Variants in ARHGEF37 observed in about 807,000 individuals in gnomAD.
The protein encoded by ARHGEF37 is Rho guanine nucleotide exchange factor 37.
ARHGEF37 carries 55 observed loss-of-function variants against 71.1 expected under a neutral mutation model. That is an observed-to-expected ratio of 0.77 (90% CI 0.62 to 0.97). The LOEUF (loss-of-function observed/expected upper bound fraction) is 0.97. ARHGEF37 is among the 50% of genes least tolerant of loss of function. The pLI is 0.00. For synonymous variants in ARHGEF37, 327 were observed against 350.6 expected (o/e 0.93, Z 0.75); for missense variants, 765 against 836.8 (o/e 0.91, Z 1.06).
chr5:149,567,391 C>T (rs1342160383), intron 1 of ARHGEF37, among the ~76,000 whole-genome samples: 15 of 152,096 alleles, frequency 9.9e-5, no homozygotes. Flanking sequence ...AAAGTTATTC[C>T]ACTTCAAAGT....
intron 1 of ARHGEF37, among the ~76,000 whole-genome samples, chr5:149,592,206 G>A (rs1763426455): frequency 6.6e-6 from 1 of 152,110 alleles, no homozygotes; most frequent in South Asian, 2.1e-4. Context: ...GTAGATTTGT[G>A]TAGTCACCAC....
rs145030032 is a variant in ARHGEF37, at chr5:149,632,372, G to C, written c.*181G>C. ...GGCCTCGCAGAGTGCTTGGTGTGGT[G>C]GGGGCACAGGAGGCTCCAGCCAGGA... On this transcript the variant is annotated 3_prime_UTR_variant, in exon 13 of 13. Coordinates refer to ENST00000333677, the MANE Select transcript of ARHGEF37 (RefSeq NM_001001669.3). 947 of 655,344 alleles carry C rather than the reference G, an allele frequency of 1.4e-3. 4 individuals carry two copies. The highest frequency in any genetic ancestry group is 2.1e-3 in the Non-Finnish European group (805 of 387,620). 40.6% of individuals were successfully genotyped at this position (655,344 alleles called of 1,614,324 possible).
At position 149,627,701 on chromosome 5, in the gene ARHGEF37, T is replaced by C. The variant is rs115881571; in HGVS notation, c.1660+430T>C. 6.8e-3 allele frequency among the ~76,000 whole-genome samples: 1,035 copies of C among 152,256 alleles called. 3 individuals carry two copies. Among genetic ancestry groups the C allele is most frequent in the Non-Finnish European group, 0.011 (724 of 68,018 alleles). On this transcript the variant is annotated intron_variant, in intron 11 of 12. Transcript: ENST00000333677. Reference sequence around the variant, plus strand: ...ATGTGCAGAATGAGGGGAGCGATCATCCTGCCCACTCCATACTGGTCATGG... The same window carrying C: ...ATGTGCAGAATGAGGGGAGCGATCACCCTGCCCACTCCATACTGGTCATGG...
At chr5:149,583,343 C>T (rs149718412) in intron 1 of ARHGEF37, among the ~76,000 whole-genome samples, 2 of 152,268 alleles carry the variant, frequency 1.3e-5, no homozygotes, top group South Asian at 2.1e-4. Context: ...CACCGTGTTG[C>T]CCAGGCTGAT....
intron 12 of ARHGEF37, among the ~76,000 whole-genome samples, chr5:149,630,781 G>A (rs1190883759): frequency 1.3e-5 from 2 of 152,216 alleles, no homozygotes; most frequent in Non-Finnish European, 2.9e-5. Flanking sequence ...AAGCATATCA[G>A]CTGCTTCCTC....
At chr5:149,576,378 T>C (rs1299498063) in intron 1 of ARHGEF37, among the ~76,000 whole-genome samples, 2 of 152,262 alleles carry the variant, frequency 1.3e-5, no homozygotes, top group African/African-American at 2.4e-5. Context: ...TAGTGAGGCC[T>C]GTGTGAGCTT....
Position 149,557,859 on chromosome 5 carries a change from C to A in ARHGEF37, c.-12+5736C>A, listed in dbSNP as rs1021311290. On this transcript the variant is annotated intron_variant, in intron 1 of 2. Coordinates refer to the ARHGEF37 transcript ENST00000505810. Reference sequence around the variant, plus strand: ...AGATTGGTAAGTTCTATATGTTTACCCAATAATTTTTTTTTTTTTTTTTTG... The same window carrying A: ...AGATTGGTAAGTTCTATATGTTTACACAATAATTTTTTTTTTTTTTTTTTG... 2.0e-5 allele frequency among the ~76,000 whole-genome samples: 3 copies of A among 150,868 alleles called. No individual in the cohort carries two copies. In the East Asian group the frequency reaches 5.9e-4, roughly 30 times the overall value.
chr5:149,610,563 C>G (rs1393039059), intron 4 of ARHGEF37, among the ~76,000 whole-genome samples: 1 of 152,146 alleles, frequency 6.6e-6, no homozygotes, highest in African/African-American at 2.4e-5. Flanking sequence ...CGTGAGCCAC[C>G]ATGCCAGGCC....
chr5:149,557,855 T>C (rs931045705), intron 1 of ARHGEF37, among the ~76,000 whole-genome samples: 2 of 151,936 alleles, frequency 1.3e-5, no homozygotes, highest in African/African-American at 4.8e-5. Context: ...TTCTATATGT[T>C]TACCCAATAA....
At chr5:149,565,139 A>G (rs184575648) in intron 1 of ARHGEF37, among the ~76,000 whole-genome samples, 155 of 152,314 alleles carry the variant, frequency 1.0e-3, no homozygotes, top group Middle Eastern at 6.8e-3. Context: ...AACAAGGTAA[A>G]TGAAAAGGAC....
intron 1 of ARHGEF37, among the ~76,000 whole-genome samples, chr5:149,566,427 G>A (rs1762899209): frequency 1.3e-5 from 2 of 152,012 alleles, no homozygotes; most frequent in African/African-American, 4.8e-5. Flanking sequence ...GAGCCTGGGA[G>A]GCAGAAGTTG....
At chr5:149,608,269 ATATAATAAATATATTACATAT>A (rs1458464241) in intron 3 of ARHGEF37, among the ~76,000 whole-genome samples, 7 of 1,104 alleles carry the variant, frequency 6.3e-3, no homozygotes, top group Non-Finnish European at 9.1e-3. Flanking sequence ...GGCCTGACAT[ATATAATAAATATATTACATAT>A]GTAATATGAC....
chr5:149,632,250 C>G lies in ARHGEF37; in HGVS notation c.*59C>G, dbSNP rs1029281589. The G allele has an allele frequency of 3.2e-6, 5 of 1,570,012 alleles. No homozygotes were observed. The highest frequency in any genetic ancestry group is 2.3e-5 in the South Asian group (2 of 88,212). On this transcript the variant is annotated 3_prime_UTR_variant, in exon 13 of 13. Coordinates refer to ENST00000333677, the MANE Select transcript of ARHGEF37 (RefSeq NM_001001669.3). Reference sequence around the variant, plus strand: ...TGGGGGAGGCTTAGAGGCTCTGACCCTGGGGGGAAAAGAAGCAAAGGAAAG... The same window carrying G: ...TGGGGGAGGCTTAGAGGCTCTGACCGTGGGGGGAAAAGAAGCAAAGGAAAG...
intron 1 of ARHGEF37, among the ~76,000 whole-genome samples, chr5:149,552,547 A>G (rs1762692932): frequency 6.6e-6 from 1 of 152,218 alleles, no homozygotes; most frequent in South Asian, 2.1e-4. Flanking sequence ...TAATTAAAAT[A>G]GAAATGGGGG....
Position 149,632,379 on chromosome 5 carries a change from C to T in ARHGEF37, c.*188C>T. 1.6e-6 allele frequency: 1 copy of T among 628,362 alleles called. No individual in the cohort carries two copies. Among genetic ancestry groups the T allele is most frequent in the South Asian group, 2.0e-5 (1 of 50,724 alleles). 38.9% of individuals were successfully genotyped at this position (628,362 alleles called of 1,614,324 possible). On this transcript the variant is annotated 3_prime_UTR_variant, in exon 13 of 13. Coordinates refer to ENST00000333677, the MANE Select transcript of ARHGEF37 (RefSeq NM_001001669.3). ...CAGAGTGCTTGGTGTGGTGGGGGCACAGGAGGCTCCAGCCAGGACTGCTCA... is the reference window on the plus strand; with the variant it reads ...CAGAGTGCTTGGTGTGGTGGGGGCATAGGAGGCTCCAGCCAGGACTGCTCA...
Position 149,581,517 on chromosome 5 carries a change from G to C in ARHGEF37, c.-119G>C, listed in dbSNP as rs1215879217. On this transcript the variant is annotated 5_prime_UTR_variant, in exon 1 of 13. Coordinates refer to ENST00000333677, the MANE Select transcript of ARHGEF37 (RefSeq NM_001001669.3). ...CTCGGTGGGCACAGCCACCCGGAGC[G>C]GCGCGGGTGCCGGGAGCTGGGCGAC... 1 of 152,028 alleles carries C rather than the reference G, an allele frequency of 6.6e-6. No homozygotes were observed. The highest frequency in any genetic ancestry group is 2.4e-5 in the African/African-American group (1 of 41,428). The allele number at this position is 152,028 out of a possible 1,614,324, so 9.4% of individuals were successfully genotyped here.
intron 1 of ARHGEF37, among the ~76,000 whole-genome samples, chr5:149,573,353 C>T (rs1307955875): frequency 6.6e-6 from 1 of 152,162 alleles, no homozygotes; most frequent in Non-Finnish European, 1.5e-5. Context: ...AGCCAATTCC[C>T]CAAAATAAAC....
chr5:149,616,542 G>T lies in ARHGEF37; in HGVS notation c.459-25G>T, dbSNP rs1382572882. 1.9e-6 allele frequency: 3 copies of T among 1,586,546 alleles called. No individual in the cohort carries two copies. In the South Asian group the frequency reaches 3.5e-5, roughly 18 times the overall value. On this transcript the variant is annotated intron_variant, in intron 4 of 12. Transcript: ENST00000333677. Reference sequence around the variant, plus strand: ...GTCCTCCAGAGGGTGGGATTTACCTGCCTAATACCAGCCTTCTCCCTCAGG... The same window carrying T: ...GTCCTCCAGAGGGTGGGATTTACCTTCCTAATACCAGCCTTCTCCCTCAGG...
intron 1 of ARHGEF37, among the ~76,000 whole-genome samples, chr5:149,573,512 C>T (rs549565578): frequency 6.6e-6 from 1 of 152,268 alleles, no homozygotes; most frequent in African/African-American, 2.4e-5. Context: ...ATCCCCTTAC[C>T]CATACTAACT....
Sources: allele counts gnomAD v4.1 joint callset (sites outside exome capture counted in the v4.1 genomes callset), GRCh38; gene constraint gnomAD v4.1.1; transcripts MANE v1.5; gene names NCBI Gene and HGNC (gene_info 2026-07-23, HGNC 2026-07-21).